Variants in DMD observed in about 807,000 individuals in gnomAD.
DMD encodes the protein mutant dystrophin.
Under a neutral mutation model 330.1 loss-of-function variants are expected in DMD, and 63 were observed. That is an observed-to-expected ratio of 0.19 (90% CI 0.16 to 0.24). The LOEUF (loss-of-function observed/expected upper bound fraction) is 0.24, where lower values mean the gene tolerates loss of function less well. Among genes scored for constraint, DMD ranks in the 10% least tolerant of loss-of-function variants. DMD has a pLI of 1.00. For missense variants in DMD, 3,344 were observed against 2,684.1 expected (o/e 1.25, Z -5.43); for synonymous variants, 1,223 against 959.8 (o/e 1.27, Z -5.07).
At chrX:31,610,519 C>T (rs1324621666) in intron 55 of DMD, among the ~76,000 whole-genome samples, 1 of 112,156 alleles carries the variant, frequency 8.9e-6, no homozygotes, top group Admixed American at 9.5e-5. Context: ...AGTAAACACA[C>T]ATACACATTC....
intron 29 of DMD, among the ~76,000 whole-genome samples, chrX:32,421,452 C>A (rs1407504051): frequency 1.8e-5 from 2 of 111,581 alleles, no homozygotes; most frequent in African/African-American, 6.5e-5. Flanking sequence ...GCTGCTTTTC[C>A]TTCTGCTTTC....
At chrX:32,673,261 T>C (rs1223375030) in intron 9 of DMD, among the ~76,000 whole-genome samples, 1 of 110,957 alleles carries the variant, frequency 9.0e-6, no homozygotes, top group Non-Finnish European at 1.9e-5. Context: ...TGATACTTGG[T>C]ACATGATTAA....
chrX:32,672,271 G>C (rs2061679224), intron 9 of DMD, among the ~76,000 whole-genome samples: 1 of 110,556 alleles, frequency 9.0e-6, no homozygotes, highest in Non-Finnish European at 1.9e-5. Context: ...CAACTGAAAT[G>C]TACAGAACAT....
At chrX:31,911,837 G>A (rs1027207025) in intron 47 of DMD, among the ~76,000 whole-genome samples, 4 of 111,372 alleles carry the variant, frequency 3.6e-5, no homozygotes, top group Middle Eastern at 4.6e-3. Flanking sequence ...AGAAGTTGCC[G>A]AGGAACTCAA....
chrX:32,198,356 T>C (rs1481794638), intron 44 of DMD, among the ~76,000 whole-genome samples: 1 of 111,733 alleles, frequency 8.9e-6, no homozygotes, highest in Non-Finnish European at 1.9e-5. Context: ...GTAGCGTTGT[T>C]TTCTAACAAA....
intron 50 of DMD, among the ~76,000 whole-genome samples, chrX:31,812,567 TAAAAA>T (rs1240794506): frequency 1.8e-5 from 2 of 109,769 alleles, no homozygotes; most frequent in African/African-American, 6.6e-5. Context: ...TAAAGTATAA[TAAAAA>T]AAAGTTAAGC....
At chrX:32,522,718 A>G (rs1315419524) in intron 17 of DMD, among the ~76,000 whole-genome samples, 1 of 112,007 alleles carries the variant, frequency 8.9e-6, no homozygotes, top group Non-Finnish European at 1.9e-5. Context: ...ATTTCGCTTC[A>G]TATTTTCTAA....
chrX:31,386,823 C>G (rs1050071064), intron 60 of DMD, among the ~76,000 whole-genome samples: 1 of 111,849 alleles, frequency 8.9e-6, no homozygotes, highest in African/African-American at 3.3e-5. Context: ...TTTAGCTCTG[C>G]AGTAGTTTTT....
intron 1 of DMD, among the ~76,000 whole-genome samples, chrX:33,199,827 C>T (rs1046177354): frequency 3.6e-5 from 4 of 111,052 alleles, no homozygotes; most frequent in Admixed American, 9.6e-5. Flanking sequence ...ATCTTAAAGA[C>T]GACAACATTT....
intron 25 of DMD, among the ~76,000 whole-genome samples, chrX:32,455,362 C>A (rs982462132): frequency 9.0e-6 from 1 of 111,187 alleles, no homozygotes; most frequent in South Asian, 3.7e-4. Flanking sequence ...AAAAGATGTT[C>A]TAATACCATT....
intron 50 of DMD, among the ~76,000 whole-genome samples, chrX:31,819,429 T>A (rs1207201362): frequency 8.9e-6 from 1 of 112,196 alleles, no homozygotes; most frequent in Non-Finnish European, 1.9e-5. Flanking sequence ...TAGACATACT[T>A]GTCCCTCTTC....
chrX:31,303,455 G>A (rs1569522144), intron 62 of DMD, among the ~76,000 whole-genome samples: 2 of 111,277 alleles, frequency 1.8e-5, no homozygotes, highest in Admixed American at 9.5e-5. Flanking sequence ...ATTACCAACT[G>A]TGCATTGCCC....
At chrX:32,397,876 A>C (rs1178145166) in intron 30 of DMD, among the ~76,000 whole-genome samples, 1 of 111,238 alleles carries the variant, frequency 9.0e-6, no homozygotes, top group East Asian at 2.8e-4. Context: ...TAATTATTGG[A>C]GTTTCTGTGG....
chrX:32,816,107 A>G (rs1446411450), intron 6 of DMD, among the ~76,000 whole-genome samples: 1 of 111,525 alleles, frequency 9.0e-6, no homozygotes, highest in Non-Finnish European at 1.9e-5. Flanking sequence ...TGTATAGTTT[A>G]GGCTTATACA....
intron 18 of DMD, among the ~76,000 whole-genome samples, chrX:32,513,540 G>C (rs1346288337): frequency 8.9e-6 from 1 of 112,036 alleles, no homozygotes; most frequent in Admixed American, 9.5e-5. Context: ...TCAAAGATTG[G>C]ACTTGTGAAT....
chrX:32,568,115 C>A (rs1368040311), intron 15 of DMD, among the ~76,000 whole-genome samples: 2 of 111,792 alleles, frequency 1.8e-5, no homozygotes, highest in African/African-American at 6.5e-5. Flanking sequence ...CTATGAGTAA[C>A]CTCATGGTAC....
intron 1 of DMD, among the ~76,000 whole-genome samples, chrX:33,114,712 T>A (rs1431800258): frequency 9.0e-6 from 1 of 111,070 alleles, no homozygotes; most frequent in East Asian, 2.8e-4. Context: ...TATGAAAACA[T>A]AAATAATAAT....
chrX:31,174,408 C>T (rs1348293742), intron 71 of DMD, among the ~76,000 whole-genome samples: 4 of 111,577 alleles, frequency 3.6e-5, no homozygotes, highest in Non-Finnish European at 7.6e-5. Flanking sequence ...GTAGGGTTAA[C>T]ATTTTTTCAT....
At chrX:32,105,559 T>C (rs1337931554) in intron 44 of DMD, among the ~76,000 whole-genome samples, 4 of 112,115 alleles carry the variant, frequency 3.6e-5, no homozygotes, top group African/African-American at 1.3e-4. Flanking sequence ...AGGTAGACTT[T>C]CTTCTAAAAC....
Sources: gnomAD v4.1 joint callset for allele counts (sites outside exome capture counted in the v4.1 genomes callset) on GRCh38, gnomAD v4.1.1 for gene constraint, MANE v1.5 for transcripts, NCBI Gene and HGNC (gene_info 2026-07-23, HGNC 2026-07-21) for gene names.